Variants in OCA2 observed in about 807,000 individuals in gnomAD.
The protein encoded by OCA2 is OCA2 melanosomal transmembrane protein, also known as P protein.
OCA2 carries 77 observed loss-of-function variants against 100.2 expected under a neutral mutation model. The ratio of observed to expected loss-of-function variants is 0.77; its 90% CI spans 0.64 to 0.93. OCA2 has a LOEUF of 0.93. Among genes scored for constraint, OCA2 ranks in the 40% least tolerant of loss-of-function variants. The pLI is 0.00. For synonymous variants in OCA2, 432 were observed against 439.2 expected (o/e 0.98, Z 0.21); for missense variants, 1,062 against 1,089.1 (o/e 0.98, Z 0.35).
At chr15:27,973,436 G>C (rs111447335) in intron 14 of OCA2, among the ~76,000 whole-genome samples, 44 of 152,288 alleles carry the variant, frequency 2.9e-4, no homozygotes, top group African/African-American at 1.1e-3. Flanking sequence ...ACTGAAGAGA[G>C]TGTCTTTTAC....
chr15:27,722,780 T>TCTCTC, the OCA2 span, among the ~76,000 whole-genome samples: 2 of 134,210 alleles, frequency 1.5e-5, no homozygotes, highest in African/African-American at 2.9e-5. Context: ...TTTTCTTTCT[T>TCTCTC]TCTCTCTCTC....
chr15:28,069,910 A>G (rs2044171937), intron 2 of OCA2, among the ~76,000 whole-genome samples: 1 of 122,970 alleles, frequency 8.1e-6, no homozygotes, highest in Non-Finnish European at 1.5e-5. Context: ...CCAGTCTGGA[A>G]AGTAAGGAGC....
chr15:27,758,502 A>G (rs889806029), intron 23 of OCA2, among the ~76,000 whole-genome samples: 2 of 152,262 alleles, frequency 1.3e-5, no homozygotes, highest in African/African-American at 4.8e-5. Context: ...GCCAATCAAC[A>G]GAAGCCAATA....
chr15:28,095,334 G>C (rs899248958), intron 1 of OCA2, among the ~76,000 whole-genome samples: 1 of 152,206 alleles, frequency 6.6e-6, no homozygotes, highest in African/African-American at 2.4e-5. Flanking sequence ...CCCCGCCCCT[G>C]TGAAACGACA....
chr15:28,025,659 A>G (rs951646872), intron 4 of OCA2, among the ~76,000 whole-genome samples: 1 of 152,006 alleles, frequency 6.6e-6, no homozygotes, highest in Non-Finnish European at 1.5e-5. Flanking sequence ...CAGCAGCCAG[A>G]CCCCATCACC....
chr15:27,766,573 G>A (rs1252387293), intron 23 of OCA2, among the ~76,000 whole-genome samples: 1 of 152,206 alleles, frequency 6.6e-6, no homozygotes. Flanking sequence ...GAAGCTCAGT[G>A]AATGTTAAAT....
At chr15:27,862,533 G>T (rs966869633) in intron 21 of OCA2, among the ~76,000 whole-genome samples, 1 of 150,096 alleles carries the variant, frequency 6.7e-6, no homozygotes, top group Non-Finnish European at 1.5e-5. Context: ...GGAGTGAAGT[G>T]GTGCGATCTC....
intron 19 of OCA2, among the ~76,000 whole-genome samples, chr15:27,875,311 A>T (rs904130496): frequency 6.6e-6 from 1 of 152,164 alleles, no homozygotes; most frequent in Admixed American, 6.5e-5. Context: ...ATATTTAAAT[A>T]ACACATAACA....
chr15:27,802,800 C>T (rs1595436409), intron 23 of OCA2, among the ~76,000 whole-genome samples: 1 of 152,118 alleles, frequency 6.6e-6, no homozygotes, highest in East Asian at 1.9e-4. Flanking sequence ...CAATGTAAAA[C>T]CTAGAACTCT....
intron 23 of OCA2, among the ~76,000 whole-genome samples, chr15:27,817,281 A>G (rs1196603678): frequency 6.6e-6 from 1 of 152,212 alleles, no homozygotes; most frequent in Non-Finnish European, 1.5e-5. Context: ...AGCTTGCAGC[A>G]CACTCAGCAT....
intron 23 of OCA2, among the ~76,000 whole-genome samples, chr15:27,805,118 T>C (rs1163701724): frequency 6.6e-6 from 1 of 152,034 alleles, no homozygotes; most frequent in Non-Finnish European, 1.5e-5. Context: ...CTGGACGCTG[T>C]GTGGGAGCCG....
chr15:27,919,712 C>T (rs2038790768), intron 19 of OCA2, among the ~76,000 whole-genome samples: 1 of 152,026 alleles, frequency 6.6e-6, no homozygotes, highest in Admixed American at 6.6e-5. Context: ...GTCATTATAC[C>T]TTGTCCAAAC....
intron 18 of OCA2, among the ~76,000 whole-genome samples, chr15:27,941,837 TG>T (rs2039659077): frequency 6.6e-6 from 1 of 152,068 alleles, no homozygotes; most frequent in African/African-American, 2.4e-5. Flanking sequence ...TCCAAACAGA[TG>T]GAAAAAACAA....
At chr15:27,924,225 C>T (rs1261060352) in intron 19 of OCA2, among the ~76,000 whole-genome samples, 1 of 151,820 alleles carries the variant, frequency 6.6e-6, no homozygotes, top group South Asian at 2.1e-4. Context: ...ATGTGACATA[C>T]CTAACTTTGA....
At chr15:27,862,068 T>C (rs1205887514) in intron 21 of OCA2, among the ~76,000 whole-genome samples, 1 of 151,992 alleles carries the variant, frequency 6.6e-6, no homozygotes, top group Non-Finnish European at 1.5e-5. Context: ...CAGCCTCAAG[T>C]CCTCATGGAG....
chr15:27,928,753 A>G lies in OCA2; in HGVS notation c.1952-2499T>C, dbSNP rs191353802. 1.1e-4 allele frequency among the ~76,000 whole-genome samples: 16 copies of G among 152,156 alleles called. No individual in the cohort carries two copies. The East Asian group carries it at 3.1e-3, about 29-fold the overall frequency. ...TCAGCAATGTCCCTCTCACACTTCA[A>G]ATCTCTCCTGCCTCTTCTTCTGTCA... On this transcript the variant is annotated intron_variant, in intron 18 of 23. Coordinates refer to ENST00000354638, the MANE Select transcript of OCA2 (RefSeq NM_000275.3).
chr15:27,723,945 C>T, the OCA2 span, among the ~76,000 whole-genome samples: 1,248 of 152,286 alleles, frequency 8.2e-3, 17 homozygotes, highest in African/African-American at 0.028. Context: ...TCCTCTTCAA[C>T]GCTTGCCTCT....
At chr15:28,095,818 T>G (rs372187146) in intron 1 of OCA2, among the ~76,000 whole-genome samples, 1 of 152,204 alleles carries the variant, frequency 6.6e-6, no homozygotes, top group South Asian at 2.1e-4. Flanking sequence ...AGGTGAAAAT[T>G]TGGCTGTTGA....
chr15:27,815,402 A>G (rs2034259303), intron 23 of OCA2, among the ~76,000 whole-genome samples: 3 of 152,276 alleles, frequency 2.0e-5, no homozygotes, highest in East Asian at 1.9e-4. Context: ...CAATTATACA[A>G]TGAGGTACTG....
Sources: allele counts gnomAD v4.1 joint callset (sites outside exome capture counted in the v4.1 genomes callset), GRCh38; gene constraint gnomAD v4.1.1; transcripts MANE v1.5; gene names NCBI Gene and HGNC (gene_info 2026-07-23, HGNC 2026-07-21).